Variants in AGBL4 observed in about 807,000 individuals in gnomAD.
The protein encoded by AGBL4 is AGBL carboxypeptidase 4, also known as cytosolic carboxypeptidase 6.
Under a neutral mutation model 66.4 loss-of-function variants are expected in AGBL4, and 58 were observed. That is an observed-to-expected ratio of 0.87 (90% CI 0.71 to 1.09). AGBL4 has a LOEUF of 1.09. AGBL4 is among the 50% of genes least tolerant of loss of function. AGBL4 has a pLI of 0.00. For missense variants in AGBL4, 579 were observed against 631.0 expected, an observed-to-expected ratio of 0.92 and a Z score of 0.88; for synonymous variants, 234 against 222.9, an observed-to-expected ratio of 1.05 and a Z score of -0.44.
intron 5 of AGBL4, among the ~76,000 whole-genome samples, chr1:49,034,989 G>A (rs1038717688): frequency 1.2e-4 from 19 of 152,072 alleles, no homozygotes; most frequent in Middle Eastern, 3.2e-3. Flanking sequence ...TGGAATAAAG[G>A]ACTAAAATCA....
chr1:48,739,453 C>T (rs1649569238), intron 6 of AGBL4, among the ~76,000 whole-genome samples: 1 of 151,904 alleles, frequency 6.6e-6, no homozygotes, highest in South Asian at 2.1e-4. Context: ...CATTTCTCTA[C>T]TATATTCATC....
chr1:49,909,776 T>A (rs1192827863), intron 1 of AGBL4, among the ~76,000 whole-genome samples: 1 of 152,206 alleles, frequency 6.6e-6, no homozygotes, highest in African/African-American at 2.4e-5. Flanking sequence ...GACTCATTCA[T>A]CAGGATTTAC....
At chr1:49,787,730 G>T (rs1429628668) in intron 2 of AGBL4, among the ~76,000 whole-genome samples, 3 of 152,110 alleles carry the variant, frequency 2.0e-5, no homozygotes, top group African/African-American at 2.4e-5. Context: ...GTGAAGTCTG[G>T]AGAAAACCAG....
At chr1:49,228,915 A>C (rs1391334322) in intron 4 of AGBL4, among the ~76,000 whole-genome samples, 1 of 152,152 alleles carries the variant, frequency 6.6e-6, no homozygotes, top group African/African-American at 2.4e-5. Flanking sequence ...TATGTTCCTA[A>C]CCTAATTTCC....
At chr1:49,513,571 T>C (rs1649474195) in intron 3 of AGBL4, among the ~76,000 whole-genome samples, 1 of 152,002 alleles carries the variant, frequency 6.6e-6, no homozygotes, top group African/African-American at 2.4e-5. Context: ...TCCATTCATG[T>C]TGCTTCAAAG....
rs149930334 is a variant in AGBL4 at position 48,761,183 on chromosome 1, G to A, written c.635-97942C>T. ...GTTGGCCAGCAAGGCAAATACACAC[G>A]AGTTGTCCCACGCTTTCACTACCCT... On this transcript the variant is annotated intron_variant, in intron 6 of 13. Transcript: ENST00000371839. 375 of 818,214 alleles carry A rather than the reference G, an allele frequency of 4.6e-4. 1 individual carries two copies. Among genetic ancestry groups the A allele is most frequent in the Non-Finnish European group, 6.3e-4 (339 of 537,524 alleles). The allele number at this position is 818,214 out of a possible 1,614,324, so 50.7% of individuals were successfully genotyped here.
chr1:49,973,541 A>G (rs1658308635), intron 1 of AGBL4, among the ~76,000 whole-genome samples: 1 of 150,144 alleles, frequency 6.7e-6, no homozygotes, highest in Non-Finnish European at 1.5e-5. Flanking sequence ...AAAATATTAT[A>G]CTTGATTTCT....
chr1:48,767,107 G>A (rs1424328549), intron 6 of AGBL4, among the ~76,000 whole-genome samples: 1 of 152,224 alleles, frequency 6.6e-6, no homozygotes, highest in Non-Finnish European at 1.5e-5. Flanking sequence ...ATGGTTGGGA[G>A]AGGGTGGCCC....
At chr1:49,038,969 A>G (rs12075223) in intron 5 of AGBL4, among the ~76,000 whole-genome samples, 15,535 of 152,150 alleles carry the variant, frequency 0.1, 1,269 homozygotes, top group African/African-American at 0.22. Context: ...CAATAGGTAG[A>G]TAAGTAAACT....
chr1:48,586,879 A>G, intron 11 of AGBL4, 125 bp downstream of exon 11: 1 of 1,243,566 alleles, frequency 8.0e-7, no homozygotes, highest in Non-Finnish European at 1.1e-6. Context: ...AAGAAGAAGC[A>G]CCTCCATCCT....
At chr1:49,504,723 A>G (rs1648520334) in intron 3 of AGBL4, among the ~76,000 whole-genome samples, 1 of 151,908 alleles carries the variant, frequency 6.6e-6, no homozygotes, top group Non-Finnish European at 1.5e-5. Flanking sequence ...CTTTCAGTGT[A>G]TCTGTGTCCT....
intron 3 of AGBL4, among the ~76,000 whole-genome samples, chr1:49,666,217 G>A (rs2124508623): frequency 6.6e-6 from 1 of 152,106 alleles, no homozygotes; most frequent in East Asian, 1.9e-4. Flanking sequence ...AGGCTCATAG[G>A]AGGCATTCAA....
intron 5 of AGBL4, among the ~76,000 whole-genome samples, chr1:48,919,495 T>C (rs1653901081): frequency 6.6e-6 from 1 of 152,176 alleles, no homozygotes; most frequent in African/African-American, 2.4e-5. Context: ...GTTGAATCTA[T>C]TAAGGGAATC....
intron 2 of AGBL4, among the ~76,000 whole-genome samples, chr1:49,800,036 T>C (rs1278542113): frequency 1.3e-5 from 2 of 152,198 alleles, no homozygotes; most frequent in African/African-American, 4.8e-5. Flanking sequence ...ACTTCCATAG[T>C]ATCTGCCTCT....
intron 9 of AGBL4, among the ~76,000 whole-genome samples, chr1:48,623,600 T>C (rs528746061): frequency 1.3e-5 from 2 of 152,366 alleles, no homozygotes; most frequent in South Asian, 4.1e-4. Context: ...AATATGCTAT[T>C]TGATGTACCA....
intron 3 of AGBL4, among the ~76,000 whole-genome samples, chr1:49,349,420 C>G (rs1645703498): frequency 6.6e-6 from 1 of 152,140 alleles, no homozygotes; most frequent in Admixed American, 6.5e-5. Context: ...GTTCTTTCCT[C>G]CCTTGTTCTC....
intron 2 of AGBL4, among the ~76,000 whole-genome samples, chr1:49,763,838 G>A (rs1014126882): frequency 6.6e-6 from 1 of 152,168 alleles, no homozygotes; most frequent in Non-Finnish European, 1.5e-5. Flanking sequence ...GCCCCAACAA[G>A]GGAGGACAGG....
At chr1:48,636,982 T>C (rs1235550203) in intron 8 of AGBL4, among the ~76,000 whole-genome samples, 1 of 152,182 alleles carries the variant, frequency 6.6e-6, no homozygotes, top group Non-Finnish European at 1.5e-5. Flanking sequence ...CCAAGCTCCA[T>C]GGTAGTGTTG....
At chr1:49,801,979 T>C (rs1240940869) in intron 2 of AGBL4, among the ~76,000 whole-genome samples, 1 of 152,222 alleles carries the variant, frequency 6.6e-6, no homozygotes, top group Admixed American at 6.5e-5. Flanking sequence ...CATTATCTTC[T>C]GTAGGGAGAC....
Sources: allele counts gnomAD v4.1 joint callset (sites outside exome capture counted in the v4.1 genomes callset), GRCh38; gene constraint gnomAD v4.1.1; transcripts MANE v1.5; gene names NCBI Gene and HGNC (gene_info 2026-07-23, HGNC 2026-07-21).